The following SEMA5A variants were observed in gnomAD, a reference collection of about 807,000 sequenced individuals.
The protein encoded by SEMA5A is semaphorin-5A.
In SEMA5A, 55 loss-of-function variants were observed where a neutral mutation model predicts 135.5. The ratio of observed to expected loss-of-function variants is 0.41; its 90% CI spans 0.33 to 0.51. The LOEUF (loss-of-function observed/expected upper bound fraction) is 0.51, where lower values mean the gene tolerates loss of function less well. SEMA5A is among the 20% of genes least tolerant of loss of function. The probability of loss-of-function intolerance (pLI) is 0.37; values close to 1 mark genes in which losing one functional copy is unlikely to be tolerated. For synonymous variants in SEMA5A, 580 were observed against 546.5 expected (o/e 1.06, Z -0.85); for missense variants, 1,290 against 1,419.9 (o/e 0.91, Z 1.47).
chr5:9,354,174 G>A (rs1754341307), intron 3 of SEMA5A, among the ~76,000 whole-genome samples: 2 of 152,094 alleles, frequency 1.3e-5, no homozygotes, highest in Admixed American at 1.3e-4. Context: ...CCTTTTTGGT[G>A]TATTTTGGCC....
chr5:9,255,888 C>T (rs1197493752), intron 5 of SEMA5A, among the ~76,000 whole-genome samples: 1 of 150,946 alleles, frequency 6.6e-6, no homozygotes, highest in Admixed American at 6.6e-5. Flanking sequence ...CCATGATTTC[C>T]CTCTCTGCCT....
intron 4 of SEMA5A, among the ~76,000 whole-genome samples, chr5:9,336,474 T>C (rs986591248): frequency 3.3e-5 from 5 of 152,132 alleles, no homozygotes; most frequent in African/African-American, 4.8e-5. Flanking sequence ...CTCCAAGTGA[T>C]GAAATTTGTT....
At chr5:9,120,871 T>C (rs9313270) in intron 14 of SEMA5A, among the ~76,000 whole-genome samples, 45,967 of 151,376 alleles carry the variant, frequency 0.3, 8,761 homozygotes, top group East Asian at 0.64. Context: ...CTCCGCCTGC[T>C]GGGTTCAAGA....
chr5:9,071,176 A>G (rs1040598305), intron 16 of SEMA5A, among the ~76,000 whole-genome samples: 1 of 152,228 alleles, frequency 6.6e-6, no homozygotes, highest in Non-Finnish European at 1.5e-5. Context: ...TATGTATTCC[A>G]GTCAACAGTG....
At chr5:9,048,686 TGAA>T (rs1007571660) in intron 21 of SEMA5A, among the ~76,000 whole-genome samples, 5 of 152,322 alleles carry the variant, frequency 3.3e-5, no homozygotes, top group African/African-American at 1.2e-4. Context: ...AGGTGTTACA[TGAA>T]GAACTGTAGA....
chr5:9,458,128 C>A (rs1330441672), intron 1 of SEMA5A, among the ~76,000 whole-genome samples: 1 of 151,782 alleles, frequency 6.6e-6, no homozygotes, highest in Non-Finnish European at 1.5e-5. Flanking sequence ...AGGATGGTCT[C>A]GATCTCCTGA....
intron 3 of SEMA5A, among the ~76,000 whole-genome samples, chr5:9,351,294 C>T (rs1438617219): frequency 6.6e-6 from 1 of 152,162 alleles, no homozygotes; most frequent in Non-Finnish European, 1.5e-5. Flanking sequence ...CCTCCAATAG[C>T]ATCAAATCTC....
intron 5 of SEMA5A, among the ~76,000 whole-genome samples, chr5:9,291,075 A>T: frequency 6.6e-6 from 1 of 152,150 alleles, no homozygotes; most frequent in Non-Finnish European, 1.5e-5. Flanking sequence ...CTAGAAACAG[A>T]ATTTCCCATT....
At chr5:9,533,365 C>T (rs140427576) in intron 1 of SEMA5A, among the ~76,000 whole-genome samples, 185 of 152,184 alleles carry the variant, frequency 1.2e-3, no homozygotes, top group African/African-American at 4.2e-3. Context: ...TCGAGTTTGT[C>T]CATAAGATTT....
intron 11 of SEMA5A, among the ~76,000 whole-genome samples, chr5:9,155,206 T>C (rs192875233): frequency 6.6e-6 from 1 of 152,250 alleles, no homozygotes; most frequent in African/African-American, 2.4e-5. Flanking sequence ...CCCTCTCTCC[T>C]CTGTCTACAT....
chr5:9,210,870 C>A (rs767567159), intron 8 of SEMA5A, among the ~76,000 whole-genome samples: 5 of 152,132 alleles, frequency 3.3e-5, no homozygotes, highest in African/African-American at 1.2e-4. Context: ...CTCTTCCTTG[C>A]GGGTGGTGTA....
intron 16 of SEMA5A, among the ~76,000 whole-genome samples, chr5:9,106,531 A>G (rs971055161): frequency 2.9e-4 from 44 of 152,334 alleles, no homozygotes; most frequent in African/African-American, 1.1e-3. Flanking sequence ...TTTAGAAACT[A>G]GGGTGTGAGA....
At chr5:9,520,811 T>C (rs865967473) in intron 1 of SEMA5A, among the ~76,000 whole-genome samples, 4 of 152,078 alleles carry the variant, frequency 2.6e-5, no homozygotes, top group Admixed American at 2.0e-4. Context: ...ACCATCAAGG[T>C]CATCCAAAAC....
chr5:9,412,991 G>A (rs1239793672), intron 2 of SEMA5A, among the ~76,000 whole-genome samples: 2 of 152,142 alleles, frequency 1.3e-5, no homozygotes, highest in Non-Finnish European at 2.9e-5. Context: ...CGTTCATAAT[G>A]TGTACCATTC....
chr5:9,510,855 C>G (rs1427409712), intron 1 of SEMA5A, among the ~76,000 whole-genome samples: 1 of 152,158 alleles, frequency 6.6e-6, no homozygotes, highest in Non-Finnish European at 1.5e-5. Flanking sequence ...ATTCAAGGAA[C>G]TGAGTTAAAC....
intron 11 of SEMA5A, among the ~76,000 whole-genome samples, chr5:9,157,169 A>G (rs1743001725): frequency 6.6e-6 from 1 of 152,138 alleles, no homozygotes; most frequent in African/African-American, 2.4e-5. Context: ...CATCAGGTTT[A>G]GCACACAAAG....
chr5:9,418,823 T>A (rs1561237344), intron 2 of SEMA5A, among the ~76,000 whole-genome samples: 1 of 152,212 alleles, frequency 6.6e-6, no homozygotes, highest in Non-Finnish European at 1.5e-5. Flanking sequence ...CTCAGGCAGG[T>A]AATAGGCATC....
chr5:9,532,157 C>G lies in SEMA5A; in HGVS notation c.-175+13427G>C, dbSNP rs373282058. On this transcript the variant is annotated intron_variant, in intron 1 of 22. Coordinates refer to ENST00000382496, the MANE Select transcript of SEMA5A (RefSeq NM_003966.3). The stretch of plus-strand genomic sequence containing the variant: ...TATCTGCCACATCAGTTTAGGACAA[C>G]AGAAAGTGTTTGTCAGAATAAAGAT... 4.6e-5 allele frequency among the ~76,000 whole-genome samples: 7 copies of G among 152,290 alleles called. No individual in the cohort carries two copies. The East Asian group carries it at 1.4e-3, about 29-fold the overall frequency.
chr5:9,310,133 A>G (rs1164658997), intron 5 of SEMA5A, among the ~76,000 whole-genome samples: 1 of 152,156 alleles, frequency 6.6e-6, no homozygotes, highest in Non-Finnish European at 1.5e-5. Flanking sequence ...TAGGTGACAA[A>G]CTTTTTCTTA....
Sources: allele counts gnomAD v4.1 joint callset (sites outside exome capture counted in the v4.1 genomes callset), GRCh38; gene constraint gnomAD v4.1.1; transcripts MANE v1.5; gene names NCBI Gene and HGNC (gene_info 2026-07-23, HGNC 2026-07-21).